ARSF: variants seen among roughly 807,000 people sequenced by gnomAD.
The protein encoded by ARSF is arylsulfatase F.
ARSF carries 33 observed loss-of-function variants against 35.4 expected under a neutral mutation model. The observed-to-expected ratio is 0.93, with a 90% CI of 0.71 to 1.25. ARSF has a LOEUF of 1.25. ARSF is among the 50% of genes most tolerant of loss of function. The probability of loss-of-function intolerance (pLI) is 0.00; values close to 1 mark genes in which losing one functional copy is unlikely to be tolerated. For missense variants in ARSF, 501 were observed against 480.2 expected (o/e 1.04, Z -0.40); for synonymous variants, 222 against 193.1 (o/e 1.15, Z -1.24).
chrX:3,077,038 TAGAA>T (rs1011618846), intron 4 of ARSF, among the ~76,000 whole-genome samples: 6 of 110,133 alleles, frequency 5.4e-5, no homozygotes, highest in African/African-American at 2.0e-4. Flanking sequence ...GAGCATGTGT[TAGAA>T]AGAAAAAAAA....
intron 6 of ARSF, 57 bp downstream of exon 6, chrX:3,084,723 G>C: frequency 9.7e-7 from 1 of 1,033,645 alleles, no homozygotes; most frequent in Non-Finnish European, 1.3e-6. Context: ...TTTTTAAAAG[G>C]ACCTAGATAG....
chrX:3,109,980 G>T, intron 9 of ARSF, 148 bp from the exon 10 acceptor site: 1 of 413,522 alleles, frequency 2.4e-6, no homozygotes, highest in Non-Finnish European at 3.7e-6. Context: ...ATCTCCCAGA[G>T]AGCATGCATG....
At chrX:3,097,072 C>T (rs1261349313) in intron 7 of ARSF, among the ~76,000 whole-genome samples, 2 of 111,689 alleles carry the variant, frequency 1.8e-5, no homozygotes, top group Admixed American at 9.5e-5. Context: ...ACTCTGCCAA[C>T]ACATTGATTT....
At chrX:3,075,009 C>G (rs946431815) in intron 3 of ARSF, among the ~76,000 whole-genome samples, 3 of 111,649 alleles carry the variant, frequency 2.7e-5, no homozygotes, top group Non-Finnish European at 5.6e-5. Flanking sequence ...TCTGTGTTGT[C>G]GAAAATGGTG....
At position 3,084,244 on chromosome X, in the gene ARSF, C is replaced by A. The variant is rs769348507; in HGVS notation, c.408C>A (p.Gly136=). The A allele has an allele frequency of 1.7e-6, 2 of 1,209,240 alleles. No homozygotes were observed. The highest frequency in any genetic ancestry group is 4.4e-5 in the Admixed American group (2 of 45,929). Residue 136 remains glycine, a splice_region_variant and synonymous_variant, in exon 6 of 11, where the codon GGC becomes GGA. Transcript: ENST00000381127. ...KKQGYSTGLI[G]KWHQGLNCDS... Reference sequence around the variant, plus strand: ...ATGTGTTTGTGTGTTTGGTTTTAGGCAAATGGCACCAAGGCTTGAACTGCG... The same window carrying A: ...ATGTGTTTGTGTGTTTGGTTTTAGGAAAATGGCACCAAGGCTTGAACTGCG...
chrX:3,069,712 TTTC>T (rs1315692897), intron 2 of ARSF, among the ~76,000 whole-genome samples: 3 of 108,134 alleles, frequency 2.8e-5, no homozygotes, highest in Non-Finnish European at 5.7e-5. Flanking sequence ...TAAATTCATT[TTTC>T]TTTTTATTTT....
Position 3,084,463 on chromosome X carries a change from C to A in ARSF, c.627C>A (p.Ser209Arg). Residue 209 changes from serine (S) to arginine (R), a missense_variant, in exon 6 of 11, where the codon AGC (serine) becomes AGA (arginine). Ser to Arg is a moderately radical substitution (Grantham distance 110). Transcript: ENST00000381127. The stretch of plus-strand genomic sequence containing the variant: ...TCACCCTAACCTTTGGGAAGCTGAG[C>A]GGCTGGGTCTCTGTTCCCTGGCTCC... ...AILTLTFGKL[S>R]GWVSVPWLLI... is the part of the protein sequence containing the mutation. 2.5e-6 allele frequency: 3 copies of A among 1,211,286 alleles called. No homozygotes were observed. The highest frequency in any genetic ancestry group is 3.4e-6 in the Non-Finnish European group (3 of 895,450).
At chrX:3,089,735 T>C in intron 7 of ARSF, 103 bp downstream of exon 7, 2 of 942,809 alleles carry the variant, frequency 2.1e-6, no homozygotes, top group Non-Finnish European at 3.0e-6. Context: ...GAATTATGCC[T>C]ATGGGACAGA....
At chrX:3,068,281 G>A (rs998103031) in intron 2 of ARSF, among the ~76,000 whole-genome samples, 170 bp downstream of exon 2, 17 of 111,027 alleles carry the variant, frequency 1.5e-4, no homozygotes, top group Admixed American at 2.9e-4. Context: ...TCTTTATATG[G>A]CTGGCCATAA....
intron 1 of ARSF, among the ~76,000 whole-genome samples, chrX:3,049,279 A>G (rs1036936152): frequency 9.5e-6 from 1 of 104,882 alleles, no homozygotes; most frequent in African/African-American, 3.5e-5. Flanking sequence ...GACAAGACAC[A>G]GAAGGTTGCA....
chrX:3,076,630 C>G lies in ARSF; in HGVS notation c.244C>G (p.Arg82Gly). ...TGCCGCCTCCCTCTGCAGCCCAAGC[C>G]GGTCCGCGTTCTTGACGGGAAGATA... is the stretch of plus-strand genomic sequence containing the variant. ...ISAASLCSPS[R>G]SAFLTGRYPI... The change falls in exon 4 of 11, where the codon CGG (arginine) becomes GGG (glycine). Residue 82 changes from arginine (R) to glycine (G), a missense_variant. Coordinates refer to ENST00000381127, the MANE Select transcript of ARSF (RefSeq NM_001201539.2). The G allele has an allele frequency of 8.3e-7, 1 of 1,211,661 alleles. No homozygotes were observed. Among genetic ancestry groups the G allele is most frequent in the Non-Finnish European group, 1.1e-6 (1 of 895,512 alleles).
At chrX:3,109,644 T>C (rs2090431355) in intron 9 of ARSF, among the ~76,000 whole-genome samples, 1 of 111,190 alleles carries the variant, frequency 9.0e-6, no homozygotes, top group Admixed American at 9.6e-5. Flanking sequence ...TTCATGTTCA[T>C]GTGTACCCAG....
intron 6 of ARSF, among the ~76,000 whole-genome samples, chrX:3,086,734 G>A (rs940808205): frequency 4.5e-5 from 5 of 111,677 alleles, no homozygotes; most frequent in African/African-American, 1.6e-4. Context: ...GGGAGGATTA[G>A]TTGAGCCTGG....
Position 3,080,915 on chromosome X carries a change from G to A in ARSF, c.308G>A (p.Arg103His), listed in dbSNP as rs1176257692. ...RSGMVSSGNR[R>H]VIQNLAVPAG... is the part of the protein sequence containing the mutation. ...GGTATGGTTTCTAGTGGTAATAGAC[G>A]TGTCATCCAAAATCTTGCAGTCCCC... The change falls in exon 5 of 11, where the codon CGT becomes CAT. Residue 103 changes from arginine (R) to histidine (H), a missense_variant. Physicochemically the swap from Arg to His is conservative, Grantham distance 29. Coordinates refer to ENST00000381127, the MANE Select transcript of ARSF (RefSeq NM_001201539.2). The A allele has an allele frequency of 9.9e-6, 12 of 1,211,236 alleles. No individual in the cohort carries two copies. The highest frequency in any genetic ancestry group is 3.5e-5 in the African/African-American group (2 of 57,750).
chrX:3,070,142 T>G (rs979709794), intron 2 of ARSF, among the ~76,000 whole-genome samples: 2 of 111,779 alleles, frequency 1.8e-5, no homozygotes, highest in Admixed American at 1.9e-4. Context: ...TGAGATCATG[T>G]GGTATTGGTG....
chrX:3,092,014 C>G (rs2090295237), intron 7 of ARSF, among the ~76,000 whole-genome samples: 1 of 110,210 alleles, frequency 9.1e-6, no homozygotes, highest in Non-Finnish European at 1.9e-5. Flanking sequence ...GATGAATAAA[C>G]AGATATATAG....
At chrX:3,060,230 A>G (rs1037476019) in intron 1 of ARSF, among the ~76,000 whole-genome samples, 1 of 112,453 alleles carries the variant, frequency 8.9e-6, no homozygotes, top group African/African-American at 3.2e-5. Context: ...TCTGACTGTC[A>G]GAAGGAAAAC....
chrX:3,097,676 C>T (rs1360893712), intron 7 of ARSF, among the ~76,000 whole-genome samples: 3 of 111,567 alleles, frequency 2.7e-5, no homozygotes, highest in Admixed American at 9.6e-5. Flanking sequence ...TGAAAATTAA[C>T]CAGAATAGTG....
At chrX:3,062,986 G>C (rs1298879774) in intron 1 of ARSF, among the ~76,000 whole-genome samples, 4 of 111,510 alleles carry the variant, frequency 3.6e-5, no homozygotes, top group African/African-American at 9.8e-5. Flanking sequence ...CCAAAGCCTG[G>C]CAGAGACACA....
Sources: allele counts gnomAD v4.1 joint callset (sites outside exome capture counted in the v4.1 genomes callset), GRCh38; gene constraint gnomAD v4.1.1; transcripts MANE v1.5; gene names NCBI Gene and HGNC (gene_info 2026-07-23, HGNC 2026-07-21).